Variants in CSMD1 observed in about 807,000 individuals in gnomAD.
CSMD1 encodes CUB and sushi domain-containing protein 1.
In CSMD1, 213 loss-of-function variants were observed where a neutral mutation model predicts 417.5. The observed-to-expected ratio is 0.51, with a 90% CI of 0.46 to 0.57. The LOEUF (loss-of-function observed/expected upper bound fraction) is 0.57. Among genes scored for constraint, CSMD1 ranks in the 20% least tolerant of loss-of-function variants. CSMD1 has a pLI of 0.00. For synonymous variants in CSMD1, 2,862 were observed against 1,736.8 expected (o/e 1.65, Z -16.11); for missense variants, 6,923 against 4,529.7 (o/e 1.53, Z -15.17).
At chr8:4,037,067 C>A (rs1797660233) in intron 3 of CSMD1, among the ~76,000 whole-genome samples, 1 of 152,030 alleles carries the variant, frequency 6.6e-6, no homozygotes, top group South Asian at 2.1e-4. Context: ...TGAGACAGCT[C>A]TGGCCACCCA....
intron 2 of CSMD1, among the ~76,000 whole-genome samples, chr8:4,589,419 A>G (rs762283421): frequency 5.9e-5 from 9 of 152,144 alleles, no homozygotes; most frequent in Non-Finnish European, 8.8e-5. Context: ...GGAATAGACT[A>G]TTTCTTTTTT....
At chr8:4,878,474 G>A (rs73503890) in intron 1 of CSMD1, among the ~76,000 whole-genome samples, 1 of 151,782 alleles carries the variant, frequency 6.6e-6, no homozygotes, top group African/African-American at 2.4e-5. Flanking sequence ...GTAGAGGTAA[G>A]ACAGCATAGA....
chr8:2,989,346 TAAAACAAAAC>T (rs1221542475), intron 54 of CSMD1, among the ~76,000 whole-genome samples: 1 of 151,976 alleles, frequency 6.6e-6, no homozygotes, highest in Non-Finnish European at 1.5e-5. Context: ...AGTTCTGAAA[TAAAACAAAAC>T]AAAACAAAAC....
intron 10 of CSMD1, among the ~76,000 whole-genome samples, chr8:3,495,605 T>G (rs1585251834): frequency 6.6e-6 from 1 of 152,360 alleles, no homozygotes; most frequent in African/African-American, 2.4e-5. Flanking sequence ...AAATGCAGCC[T>G]TGGTCTTGCA....
chr8:4,176,078 C>T (rs1425595527), intron 3 of CSMD1, among the ~76,000 whole-genome samples: 1 of 152,078 alleles, frequency 6.6e-6, no homozygotes, highest in African/African-American at 2.4e-5. Flanking sequence ...ATGTGGAACC[C>T]TTGCAGAATC....
chr8:4,567,517 G>A (rs1011677569), intron 2 of CSMD1, among the ~76,000 whole-genome samples: 1 of 152,186 alleles, frequency 6.6e-6, no homozygotes, highest in East Asian at 1.9e-4. Context: ...CTTAGAAATC[G>A]CAGGTAGACT....
intron 3 of CSMD1, among the ~76,000 whole-genome samples, chr8:4,379,465 T>C (rs1802963180): frequency 1.3e-5 from 2 of 152,234 alleles, no homozygotes; most frequent in Non-Finnish European, 2.9e-5. Context: ...TCAACATTAA[T>C]GTCTTCAGTT....
Position 3,986,130 on chromosome 8 carries a change from C to T in CSMD1, c.818+11773G>A, listed in dbSNP as rs187160488. Among the ~76,000 whole-genome samples, 466 of 152,156 alleles carry T rather than the reference C, an allele frequency of 3.1e-3. 1 individual carries two copies. Among genetic ancestry groups the T allele is most frequent in the African/African-American group, 0.011 (441 of 41,480 alleles). ...CTACAAGTTCAGATGAACAGGATTTCTCAAGTGACTTGAAGGCATCACCTT... is the reference window on the plus strand; with the variant it reads ...CTACAAGTTCAGATGAACAGGATTTTTCAAGTGACTTGAAGGCATCACCTT... On this transcript the variant is annotated intron_variant, in intron 5 of 69. Coordinates refer to ENST00000635120, the MANE Select transcript of CSMD1 (RefSeq NM_033225.6).
rs1030736921 is a variant in CSMD1, at chr8:4,578,303, T to C, written c.302+59039A>G. Reference sequence around the variant, plus strand: ...AGCCTCCCGAGTAGAGTAGCTGGGATTACAGGCACCTGCCACGACACCCGG... The same window carrying C: ...AGCCTCCCGAGTAGAGTAGCTGGGACTACAGGCACCTGCCACGACACCCGG... On this transcript the variant is annotated intron_variant, in intron 2 of 69. Coordinates refer to ENST00000635120, the MANE Select transcript of CSMD1 (RefSeq NM_033225.6). Among the ~76,000 whole-genome samples, 16 of 147,286 alleles carry C rather than the reference T, an allele frequency of 1.1e-4. No homozygotes were observed. The East Asian group carries it at 1.8e-3, about 17-fold the overall frequency.
intron 26 of CSMD1, among the ~76,000 whole-genome samples, chr8:3,233,943 C>A (rs117432997): frequency 6.6e-6 from 1 of 152,136 alleles, no homozygotes; most frequent in Admixed American, 6.5e-5. Flanking sequence ...GTGTGAATCC[C>A]GCCGGCGGTT....
At chr8:4,449,448 T>A (rs2129798974) in intron 2 of CSMD1, among the ~76,000 whole-genome samples, 1 of 152,296 alleles carries the variant, frequency 6.6e-6, no homozygotes, top group South Asian at 2.1e-4. Context: ...CCCCAATTTT[T>A]GTTGATAATT....
intron 7 of CSMD1, among the ~76,000 whole-genome samples, chr8:3,665,765 G>A (rs547426957): frequency 4.6e-5 from 7 of 152,138 alleles, no homozygotes; most frequent in African/African-American, 9.7e-5. Flanking sequence ...TTTATCCAAG[G>A]CAGTAGCTTG....
In CSMD1 at chr8:3,912,750, A is replaced by C. The variant is rs112125659; in HGVS notation, c.818+85153T>G. The stretch of plus-strand genomic sequence containing the variant: ...AGATGAGCCTGAAGAGGCAGACTGC[A>C]GTCTGCTCTTGTAGCTCAAGGTCAC... On this transcript the variant is annotated intron_variant, in intron 5 of 69. Transcript: ENST00000635120. Among the ~76,000 whole-genome samples, 397 of 152,338 alleles carry C rather than the reference A, an allele frequency of 2.6e-3. 4 individuals are homozygous for C. The highest frequency in any genetic ancestry group is 4.5e-3 in the Non-Finnish European group (308 of 68,018).
At chr8:3,822,526 A>G (rs1293576312) in intron 5 of CSMD1, among the ~76,000 whole-genome samples, 1 of 152,152 alleles carries the variant, frequency 6.6e-6, no homozygotes, top group Non-Finnish European at 1.5e-5. Context: ...AAAGTTAATT[A>G]ATGTCTTCCC....
intron 3 of CSMD1, among the ~76,000 whole-genome samples, chr8:4,141,140 T>A (rs1803765396): frequency 6.6e-6 from 1 of 151,122 alleles, no homozygotes; most frequent in East Asian, 1.9e-4. Flanking sequence ...CCAAGAGAGC[T>A]CCAATAAGTA....
intron 5 of CSMD1, among the ~76,000 whole-genome samples, chr8:3,980,395 C>T (rs1045239721): frequency 1.3e-5 from 2 of 152,102 alleles, no homozygotes; most frequent in Admixed American, 6.5e-5. Flanking sequence ...CTATTCCTGG[C>T]GGCATAAAAT....
chr8:4,609,978 A>G (rs1340261619), intron 2 of CSMD1, among the ~76,000 whole-genome samples: 2 of 152,128 alleles, frequency 1.3e-5, no homozygotes, highest in South Asian at 4.1e-4. Context: ...AATTCCTTCA[A>G]TAGCTTACTA....
At chr8:4,817,836 C>T (rs759948720) in intron 1 of CSMD1, among the ~76,000 whole-genome samples, 2 of 152,128 alleles carry the variant, frequency 1.3e-5, no homozygotes, top group Non-Finnish European at 2.9e-5. Flanking sequence ...ACTACAGGAT[C>T]ATTTGGTGAA....
chr8:3,686,613 G>C (rs1055524078), intron 7 of CSMD1, among the ~76,000 whole-genome samples: 1 of 152,168 alleles, frequency 6.6e-6, no homozygotes, highest in Admixed American at 6.5e-5. Context: ...ATCAAGCACA[G>C]AAAACTGAAG....
Sources: allele counts gnomAD v4.1 joint callset (sites outside exome capture counted in the v4.1 genomes callset), GRCh38; gene constraint gnomAD v4.1.1; transcripts MANE v1.5; gene names NCBI Gene and HGNC (gene_info 2026-07-23, HGNC 2026-07-21).